The following MEDAG variants were observed in gnomAD, a reference collection of about 807,000 sequenced individuals.
MEDAG encodes the protein mesenteric estrogen-dependent adipogenesis protein.
Under a neutral mutation model 29.9 loss-of-function variants are expected in MEDAG, and 25 were observed. That is an observed-to-expected ratio of 0.84 (90% CI 0.61 to 1.17). The LOEUF (loss-of-function observed/expected upper bound fraction) is 1.17. Among genes scored for constraint, MEDAG ranks in the 50% most tolerant of loss-of-function variants. MEDAG has a pLI of 0.00. For missense variants in MEDAG, 398 were observed against 372.9 expected, an observed-to-expected ratio of 1.07 and a Z score of -0.56; for synonymous variants, 158 against 148.2, an observed-to-expected ratio of 1.07 and a Z score of -0.48.
Position 30,906,440 on chromosome 13 carries a change from T to TG in MEDAG, c.-72dup, listed in dbSNP as rs1410218589. ...CGCAGGCAGGGCGCCCGGCCCCTCC[T>TG]GGGGACCATCAGGTGCCGGCTGGGG... is the stretch of plus-strand genomic sequence containing the variant. On this transcript the variant is annotated 5_prime_UTR_variant, in exon 1 of 5. Transcript: ENST00000380482. 4 of 1,376,448 alleles carry TG rather than the reference T, an allele frequency of 2.9e-6. No homozygotes were observed. The Admixed American group carries it at 1.2e-4, about 41-fold the overall frequency. The allele number at this position is 1,376,448 out of a possible 1,614,324, so 85.3% of individuals were successfully genotyped here.
chr13:30,923,424 C>T (rs1953008802), intron 4 of MEDAG, among the ~76,000 whole-genome samples: 2 of 151,864 alleles, frequency 1.3e-5, no homozygotes, highest in South Asian at 4.2e-4. Context: ...CCATCTCTTC[C>T]ATCTCCATTT....
chr13:30,915,856 T>G (rs1453509549), intron 1 of MEDAG, among the ~76,000 whole-genome samples: 1 of 151,790 alleles, frequency 6.6e-6, no homozygotes, highest in Non-Finnish European at 1.5e-5. Flanking sequence ...CATCGTCCTC[T>G]CCTCTACTCC....
chr13:30,912,063 TA>T (rs1012975527), intron 1 of MEDAG, among the ~76,000 whole-genome samples: 1 of 152,202 alleles, frequency 6.6e-6, no homozygotes, highest in African/African-American at 2.4e-5. Flanking sequence ...ACACAGTAGG[TA>T]CTCAGTAATC....
intron 1 of MEDAG, among the ~76,000 whole-genome samples, chr13:30,913,005 A>G (rs960217194): frequency 3.3e-5 from 5 of 152,232 alleles, no homozygotes; most frequent in Non-Finnish European, 7.3e-5. Context: ...TTTACTCATC[A>G]TGAGGGAAAA....
intron 4 of MEDAG, among the ~76,000 whole-genome samples, chr13:30,923,532 G>A (rs1466278012): frequency 6.6e-6 from 1 of 151,888 alleles, no homozygotes; most frequent in East Asian, 1.9e-4. Context: ...CTCTGCCTGG[G>A]AGTTCCTCAC....
intron 1 of MEDAG, among the ~76,000 whole-genome samples, chr13:30,910,417 G>T (rs1952871408): frequency 6.6e-6 from 1 of 152,144 alleles, no homozygotes; most frequent in African/African-American, 2.4e-5. Context: ...TCTCATAAAA[G>T]TTTACAAAGT....
Position 30,924,426 on chromosome 13 carries a change from A to C in MEDAG, c.903A>C (p.Gln301His), listed in dbSNP as rs1451894286. The C allele has an allele frequency of 3.2e-5, 51 of 1,613,934 alleles. No individual in the cohort carries two copies. The East Asian group carries it at 1.1e-3, about 36-fold the overall frequency. Reference protein sequence around the residue: ...SVLESEETPNQFI With the variant: ...SVLESEETPNHFI ...TGGAATCTGAAGAGACACCCAACCA[A>C]TTTATCTGATTGAACTGAACATTGT... Residue 301 changes from glutamine to histidine, a missense_variant, in exon 5 of 5, where the codon CAA becomes CAC. Coordinates refer to ENST00000380482, the MANE Select transcript of MEDAG (RefSeq NM_032849.4).
chr13:30,906,844 C>A, intron 1 of MEDAG, 51 bp downstream of exon 1: 1 of 1,407,600 alleles, frequency 7.1e-7, no homozygotes, highest in Non-Finnish European at 9.2e-7. Flanking sequence ...CCCGCAGACG[C>A]CTCCACCCGG....
In MEDAG at chr13:30,924,456, G is replaced by C; in HGVS notation, c.*21G>C. 1 of 1,612,344 alleles carries C rather than the reference G, an allele frequency of 6.2e-7. No homozygotes were observed. Among genetic ancestry groups the C allele is most frequent in the Non-Finnish European group, 8.5e-7 (1 of 1,179,146 alleles). On this transcript the variant is annotated 3_prime_UTR_variant, in exon 5 of 5. Transcript: ENST00000380482. ...TCTGATTGAACTGAACATTGTAGCAGTTGCTCCCGCACTCCAGGCCTGTGC... is the reference window on the plus strand; with the variant it reads ...TCTGATTGAACTGAACATTGTAGCACTTGCTCCCGCACTCCAGGCCTGTGC...
At position 30,906,803 on chromosome 13, in the gene MEDAG, C is replaced by A; in HGVS notation, c.278+10C>A. On this transcript the variant is annotated intron_variant, in intron 1 of 4. Transcript: ENST00000380482. ...GCAGCTACATCAAGAGGTGGGTGGCCTCGCCGTGCGCCCTGGCCCGTCGCC... is the reference window on the plus strand; with the variant it reads ...GCAGCTACATCAAGAGGTGGGTGGCATCGCCGTGCGCCCTGGCCCGTCGCC... The A allele has an allele frequency of 6.8e-7, 1 of 1,465,082 alleles. No homozygotes were observed. Among genetic ancestry groups the A allele is most frequent in the Non-Finnish European group, 8.9e-7 (1 of 1,117,838 alleles). The allele number at this position is 1,465,082 out of a possible 1,614,324, so 90.8% of individuals were successfully genotyped here.
Position 30,906,418 on chromosome 13 carries a change from A to T in MEDAG, c.-98A>T. 2 of 1,281,310 alleles carry T rather than the reference A, an allele frequency of 1.6e-6. No individual in the cohort carries two copies. Among genetic ancestry groups the T allele is most frequent in the East Asian group, 2.9e-5 (1 of 34,134 alleles). The allele number at this position is 1,281,310 out of a possible 1,614,324, so 79.4% of individuals were successfully genotyped here. The stretch of plus-strand genomic sequence containing the variant: ...TCCTCACCTCGCGCGCGGCTGACGC[A>T]GGCAGGGCGCCCGGCCCCTCCTGGG... On this transcript the variant is annotated 5_prime_UTR_variant, in exon 1 of 5. Transcript: ENST00000380482.
rs924596537 is a variant in MEDAG, at chr13:30,917,293, G to T, written c.279-110G>T. 12 of 726,612 alleles carry T rather than the reference G, an allele frequency of 1.7e-5. No homozygotes were observed. The African/African-American group carries it at 1.8e-4, about 11-fold the overall frequency. 45.0% of individuals were successfully genotyped at this position (726,612 alleles called of 1,614,324 possible). A position where few individuals can be genotyped will look rare whatever the true frequency, so the allele number is the denominator to read the frequency against. On this transcript the variant is annotated intron_variant, in intron 1 of 4. Coordinates refer to ENST00000380482, the MANE Select transcript of MEDAG (RefSeq NM_032849.4). ...GACCTCTGTAAGGATGCATTTCAAG[G>T]AACTTCCCTCCAAGGTCTGTGGCTG...
In MEDAG at chr13:30,924,451, T is replaced by C. The variant is rs1318419427; in HGVS notation, c.*16T>C. 6.2e-7 allele frequency: 1 copy of C among 1,612,770 alleles called. No individual in the cohort carries two copies. Among genetic ancestry groups the C allele is most frequent in the Admixed American group, 1.7e-5 (1 of 59,884 alleles). On this transcript the variant is annotated 3_prime_UTR_variant, in exon 5 of 5. Coordinates refer to ENST00000380482, the MANE Select transcript of MEDAG (RefSeq NM_032849.4). ...ATTTATCTGATTGAACTGAACATTGTAGCAGTTGCTCCCGCACTCCAGGCC... is the reference window on the plus strand; with the variant it reads ...ATTTATCTGATTGAACTGAACATTGCAGCAGTTGCTCCCGCACTCCAGGCC...
chr13:30,917,598 G>T, intron 2 of MEDAG, 86 bp downstream of exon 2: 1 of 764,962 alleles, frequency 1.3e-6, no homozygotes, highest in South Asian at 1.6e-5. Flanking sequence ...GGTTTAATTG[G>T]CTCACGGTTC....
chr13:30,920,443 G>A (rs758874991), intron 2 of MEDAG, among the ~76,000 whole-genome samples: 8 of 152,022 alleles, frequency 5.3e-5, no homozygotes, highest in Non-Finnish European at 1.0e-4. Context: ...ACAAAAATTA[G>A]CCAGGCATGG....
Position 30,924,163 on chromosome 13 carries a change from TTC to T in MEDAG, c.788-146_788-145del, listed in dbSNP as rs1212195006. 3.0e-5 allele frequency: 24 copies of T among 797,772 alleles called. No homozygotes were observed. In the East Asian group the frequency reaches 6.0e-4, roughly 20 times the overall value. The allele number at this position is 797,772 out of a possible 1,614,324, so 49.4% of individuals were successfully genotyped here. A position where few individuals can be genotyped will look rare whatever the true frequency, so the allele number is the denominator to read the frequency against. ...CACTAATAAAGAAAAAGCAACACAT[TTC>T]TGTTTAGCCTTTTGAATTTTTCTGA... On this transcript the variant is annotated intron_variant, in intron 4 of 4. Coordinates refer to ENST00000380482, the MANE Select transcript of MEDAG (RefSeq NM_032849.4).
chr13:30,917,444 G>A lies in MEDAG; in HGVS notation c.320G>A (p.Arg107Lys), dbSNP rs768204734. Residue 107 changes from arginine to lysine, a missense_variant, in exon 2 of 5, where the codon AGG becomes AAG. Coordinates refer to ENST00000380482, the MANE Select transcript of MEDAG (RefSeq NM_032849.4). ...LTNYCDYKDYRETILSKPMLF... is the reference protein window; with the variant it reads ...LTNYCDYKDYKETILSKPMLF... Reference sequence around the variant, plus strand: ...AACTACTGTGATTATAAAGACTACAGGGAAACTATATTGAGCAAACCAATG... The same window carrying A: ...AACTACTGTGATTATAAAGACTACAAGGAAACTATATTGAGCAAACCAATG... The A allele has an allele frequency of 6.2e-7, 1 of 1,611,728 alleles. No homozygotes were observed. Among genetic ancestry groups the A allele is most frequent in the South Asian group, 1.1e-5 (1 of 91,022 alleles).
chr13:30,922,312 G>T (rs1952996241), intron 4 of MEDAG: 1 of 149,216 alleles, frequency 6.7e-6, no homozygotes, highest in African/African-American at 2.5e-5. Context: ...CTGGAGTTCA[G>T]TGGTGTGATC....
intron 1 of MEDAG, among the ~76,000 whole-genome samples, chr13:30,912,387 T>A (rs1401041161): frequency 6.6e-6 from 1 of 152,192 alleles, no homozygotes; most frequent in Non-Finnish European, 1.5e-5. Flanking sequence ...TGCAAGCTTT[T>A]GCTTAGTGTC....
Sources: allele counts gnomAD v4.1 joint callset (sites outside exome capture counted in the v4.1 genomes callset), GRCh38; gene constraint gnomAD v4.1.1; transcripts MANE v1.5; gene names NCBI Gene and HGNC (gene_info 2026-07-23, HGNC 2026-07-21).